Variants in SNTG1 observed in about 807,000 individuals in gnomAD.
SNTG1 encodes gamma-1-syntrophin.
SNTG1 carries 39 observed loss-of-function variants against 74.7 expected under a neutral mutation model. The ratio of observed to expected loss-of-function variants is 0.52; its 90% CI spans 0.40 to 0.68. The LOEUF is 0.68. Ranked by LOEUF, SNTG1 falls within the 30% of genes least tolerant of loss-of-function variation. The pLI is 0.00. For missense variants in SNTG1, 685 were observed against 609.5 expected (o/e 1.12, Z -1.30); for synonymous variants, 254 against 217.1 (o/e 1.17, Z -1.49).
chr8:50,591,197 T>C (rs953638324), intron 13 of SNTG1, among the ~76,000 whole-genome samples: 6 of 152,130 alleles, frequency 3.9e-5, no homozygotes, highest in Non-Finnish European at 8.8e-5. Flanking sequence ...TAGAGTTTTA[T>C]TTACATATGT....
chr8:50,528,279 AAAGATGT>A (rs1393372250), intron 9 of SNTG1, among the ~76,000 whole-genome samples: 5 of 151,998 alleles, frequency 3.3e-5, no homozygotes, highest in Non-Finnish European at 5.9e-5. Context: ...ATAGGTTTTT[AAAGATGT>A]TCTTTATCAG....
chr8:49,978,501 C>T (rs931707898), intron 1 of SNTG1, among the ~76,000 whole-genome samples: 1 of 152,186 alleles, frequency 6.6e-6, no homozygotes, highest in African/African-American at 2.4e-5. Flanking sequence ...GGCCTTCATT[C>T]ATGGCCACGA....
intron 8 of SNTG1, among the ~76,000 whole-genome samples, chr8:50,463,348 C>T (rs1046958003): frequency 2.6e-5 from 4 of 152,052 alleles, no homozygotes; most frequent in Non-Finnish European, 4.4e-5. Context: ...CCAGATCCCT[C>T]GTAGGAATCA....
At chr8:50,193,536 G>A (rs2083654751) in intron 2 of SNTG1, among the ~76,000 whole-genome samples, 2 of 152,070 alleles carry the variant, frequency 1.3e-5, no homozygotes, top group African/African-American at 4.8e-5. Context: ...TGGAAACTTT[G>A]CTGAATCCTT....
intron 1 of SNTG1, among the ~76,000 whole-genome samples, chr8:50,002,589 T>G (rs1286834066): frequency 6.6e-6 from 1 of 152,150 alleles, no homozygotes; most frequent in African/African-American, 2.4e-5. Flanking sequence ...TTACTTGATT[T>G]TTCTGTTTGT....
chr8:49,923,174 T>G (rs1363292442), intron 1 of SNTG1, among the ~76,000 whole-genome samples: 1 of 152,104 alleles, frequency 6.6e-6, no homozygotes, highest in African/African-American at 2.4e-5. Context: ...CACTGACAAA[T>G]ACCAAAGATT....
At position 50,303,299 on chromosome 8, in the gene SNTG1, T is replaced by C. The variant is rs192594355; in HGVS notation, c.-27-90913T>C. Among the ~76,000 whole-genome samples the C allele has an allele frequency of 4.6e-4, 70 of 152,130 alleles. 2 individuals carry two copies. In the East Asian group the frequency reaches 0.012, roughly 26 times the overall value. ...ACAACATTAAATTAGTTTCTGAGAG[T>C]AAGGGTGTTTTTAAATTATGATTTT... is the stretch of plus-strand genomic sequence containing the variant. On this transcript the variant is annotated intron_variant, in intron 2 of 18. Transcript: ENST00000642720.
chr8:50,419,419 C>T (rs2093054026), intron 4 of SNTG1, among the ~76,000 whole-genome samples: 1 of 152,304 alleles, frequency 6.6e-6, no homozygotes, highest in African/African-American at 2.4e-5. Flanking sequence ...GGAACAAGGA[C>T]TTTCATCTTT....
chr8:50,495,104 T>G (rs1247297710), intron 8 of SNTG1, among the ~76,000 whole-genome samples: 1 of 152,150 alleles, frequency 6.6e-6, no homozygotes, highest in East Asian at 1.9e-4. Context: ...ATTGTGAAAT[T>G]TTAAACTATT....
At chr8:50,409,795 G>A (rs1384395061) in intron 4 of SNTG1, among the ~76,000 whole-genome samples, 7 of 152,150 alleles carry the variant, frequency 4.6e-5, no homozygotes, top group Non-Finnish European at 2.9e-5. Context: ...GTAAATGAGG[G>A]TAAAATCAAT....
At chr8:50,438,467 CA>C in intron 4 of SNTG1, 75 bp from the exon 5 acceptor site, 6 of 1,372,996 alleles carry the variant, frequency 4.4e-6, no homozygotes, top group South Asian at 1.2e-5. Flanking sequence ...AGAAGAAAAC[CA>C]AAAAAACAAC....
chr8:50,161,502 C>T (rs888510528), intron 1 of SNTG1, among the ~76,000 whole-genome samples: 3 of 152,106 alleles, frequency 2.0e-5, no homozygotes, highest in Admixed American at 1.3e-4. Flanking sequence ...GGCATGTTTT[C>T]GTAGGGAAAG....
At chr8:50,304,659 T>C (rs1407627312) in intron 2 of SNTG1, among the ~76,000 whole-genome samples, 1 of 152,034 alleles carries the variant, frequency 6.6e-6, no homozygotes, top group Non-Finnish European at 1.5e-5. Context: ...AACTAAAAAG[T>C]TTATTTTATC....
chr8:50,134,254 A>G (rs2081402062), intron 1 of SNTG1, among the ~76,000 whole-genome samples: 2 of 152,218 alleles, frequency 1.3e-5, no homozygotes, highest in Admixed American at 1.3e-4. Context: ...TTATAGCAAG[A>G]GCACTGAAAG....
chr8:50,707,974 G>A lies in SNTG1; in HGVS notation c.1192-912G>A, dbSNP rs550306975. The A allele has an allele frequency of 2.8e-4, 105 of 373,318 alleles. 1 individual carries two copies. In the Middle Eastern group the frequency reaches 3.5e-3, roughly 12 times the overall value. 23.1% of individuals were successfully genotyped at this position (373,318 alleles called of 1,614,324 possible). A position where few individuals can be genotyped will look rare whatever the true frequency, so the allele number is the denominator to read the frequency against. ...TCCCAGCACTTTGGGAGGCCGAGGC[G>A]GGTGGATCACGAGGTCAGGCGTTCG... On this transcript the variant is annotated intron_variant, in intron 16 of 18. Coordinates refer to ENST00000642720, the MANE Select transcript of SNTG1 (RefSeq NM_018967.5).
chr8:50,477,729 G>A (rs2093708120), intron 8 of SNTG1, among the ~76,000 whole-genome samples: 1 of 152,200 alleles, frequency 6.6e-6, no homozygotes, highest in Non-Finnish European at 1.5e-5. Context: ...GAAACCGGAT[G>A]TGGGGTACAT....
intron 1 of SNTG1, among the ~76,000 whole-genome samples, chr8:50,130,395 A>C (rs536531373): frequency 6.6e-6 from 1 of 152,164 alleles, no homozygotes; most frequent in African/African-American, 2.4e-5. Flanking sequence ...AAATATCAAG[A>C]AAGAGAAATA....
chr8:50,243,156 A>T (rs2086239679), intron 2 of SNTG1, among the ~76,000 whole-genome samples: 2 of 117,890 alleles, frequency 1.7e-5, no homozygotes, highest in African/African-American at 5.7e-5. Flanking sequence ...GTATATGTTC[A>T]GATAAATGAG....
chr8:50,780,977 G>C (rs1230972402), intron 18 of SNTG1, among the ~76,000 whole-genome samples: 1 of 152,102 alleles, frequency 6.6e-6, no homozygotes, highest in African/African-American at 2.4e-5. Flanking sequence ...TAGTCATTCA[G>C]GAGCAGGTTG....
Sources: gnomAD v4.1 joint callset for allele counts (sites outside exome capture counted in the v4.1 genomes callset) on GRCh38, gnomAD v4.1.1 for gene constraint, MANE v1.5 for transcripts, NCBI Gene and HGNC (gene_info 2026-07-23, HGNC 2026-07-21) for gene names.